Variants in CHD6 observed in about 807,000 individuals in gnomAD.
The protein encoded by CHD6 is ATP-dependent chromatin remodeler CHD6.
A neutral mutation model predicts 276.9 loss-of-function variants in CHD6; 50 were observed. The observed-to-expected ratio is 0.18, with a 90% CI of 0.14 to 0.23. The LOEUF is 0.23. Ranked by LOEUF, CHD6 falls within the 10% of genes least tolerant of loss-of-function variation. The pLI, the probability that CHD6 is intolerant of heterozygous loss-of-function variation, is 1.00. For synonymous variants in CHD6, 1,173 were observed against 1,229.3 expected (o/e 0.95, Z 0.96); for missense variants, 2,564 against 3,365.8 (o/e 0.76, Z 5.89).
chr20:41,522,404 C>T (rs966505589), intron 3 of CHD6, among the ~76,000 whole-genome samples: 5 of 152,086 alleles, frequency 3.3e-5, no homozygotes, highest in Admixed American at 6.6e-5. Context: ...AGAAAAGATG[C>T]GCATGGTGCA....
intron 3 of CHD6, among the ~76,000 whole-genome samples, chr20:41,526,934 T>G (rs1484615039): frequency 6.6e-6 from 1 of 152,154 alleles, no homozygotes; most frequent in Non-Finnish European, 1.5e-5. Context: ...TCCACTTTTC[T>G]AACAAGCTGT....
chr20:41,551,395 C>A (rs188393248), intron 1 of CHD6, 35 bp from the exon 2 acceptor site: 84 of 953,092 alleles, frequency 8.8e-5, no homozygotes, highest in Non-Finnish European at 1.1e-4. Context: ...AAGATTATGA[C>A]AAAACCCAAA....
In CHD6 at chr20:41,452,848, T is replaced by C; in HGVS notation, c.3215A>G (p.Asp1072Gly). Residue 1072 changes from aspartate (D) to glycine (G), a missense_variant, in exon 21 of 37, where the codon GAC (aspartate) becomes GGC (glycine). By Grantham distance (94) the Asp-to-Gly change is moderately conservative. This residue lies in a region of CHD6 where 515 missense variants were observed against 739.5 expected (regional missense o/e 0.70). Coordinates refer to ENST00000373233, the MANE Select transcript of CHD6 (RefSeq NM_032221.5). The surrounding 1 kb of genome is among the most constrained non-coding windows in gnomAD (Gnocchi z 4.2). ...EDELMEFSEL[D>G]SDSDERPTRS... is the part of the protein sequence containing the mutation. ...CGTGGGCCTTTCGTCTGAGTCGCTGTCTAACTCTGAAAACTCCATGAGCTC... is the reference window on the plus strand; with the variant it reads ...CGTGGGCCTTTCGTCTGAGTCGCTGCCTAACTCTGAAAACTCCATGAGCTC... 1 of 1,613,502 alleles carries C rather than the reference T, an allele frequency of 6.2e-7. No individual in the cohort carries two copies. Among genetic ancestry groups the C allele is most frequent in the Non-Finnish European group, 8.5e-7 (1 of 1,179,906 alleles).
Position 41,404,060 on chromosome 20 carries a change from CTTCT to C in CHD6, c.*529_*532del, listed in dbSNP as rs1207984664. ...TGTATTTTCAACCATTAGTTATATA[CTTCT>C]GTCTATACTACTCACTTAGTAATCA... On this transcript the variant is annotated 3_prime_UTR_variant, in exon 37 of 37. Coordinates refer to ENST00000373233, the MANE Select transcript of CHD6 (RefSeq NM_032221.5). 3 of 1,046,826 alleles carry C rather than the reference CTTCT, an allele frequency of 2.9e-6. No individual in the cohort carries two copies. Among genetic ancestry groups the C allele is most frequent in the Non-Finnish European group, 3.5e-6 (3 of 866,728 alleles). 64.8% of individuals were successfully genotyped at this position (1,046,826 alleles called of 1,614,324 possible).
chr20:41,556,378 T>C (rs912664770), intron 1 of CHD6, among the ~76,000 whole-genome samples: 10 of 150,208 alleles, frequency 6.7e-5, no homozygotes, highest in African/African-American at 2.2e-4. Context: ...TTTAACTGTT[T>C]CAAGCTTTCT....
Position 41,405,447 on chromosome 20 carries a change from G to T in CHD6, c.7294C>A (p.Pro2432Thr). 6.3e-7 allele frequency: 1 copy of T among 1,594,462 alleles called. No homozygotes were observed. The highest frequency in any genetic ancestry group is 8.6e-7 in the Non-Finnish European group (1 of 1,169,358). ...ENKFNHTLAE[P>T]ILRDTGPRRR... ...CGGGGGCCCGTATCTCGAAGAATAG[G>T]CTCAGCCAGAGTGTGATTGAACTTG... Residue 2432 changes from proline (P) to threonine (T), a missense_variant, in exon 37 of 37, where the codon CCT becomes ACT. Physicochemically the swap from Pro to Thr is conservative, Grantham distance 38. Transcript: ENST00000373233.
At chr20:41,454,538 G>A in intron 20 of CHD6, 88 bp downstream of exon 20, 1 of 1,001,094 alleles carries the variant, frequency 1.0e-6, no homozygotes. Context: ...AGACTCAAGA[G>A]TAAATAATGA....
chr20:41,592,778 C>T (rs1472846460), intron 1 of CHD6, among the ~76,000 whole-genome samples: 1 of 152,130 alleles, frequency 6.6e-6, no homozygotes, highest in Non-Finnish European at 1.5e-5. Flanking sequence ...CCGGGGATGC[C>T]ATGACTTCCC....
At chr20:41,484,990 T>C (rs2043378645) in intron 14 of CHD6, among the ~76,000 whole-genome samples, 1 of 152,192 alleles carries the variant, frequency 6.6e-6, no homozygotes, top group South Asian at 2.1e-4. Flanking sequence ...GTATGAGTGA[T>C]ATATTACAAG....
chr20:41,530,548 A>G (rs1474845047), intron 3 of CHD6, among the ~76,000 whole-genome samples: 23 of 152,236 alleles, frequency 1.5e-4, no homozygotes, highest in Non-Finnish European at 1.2e-4. Flanking sequence ...TAACATATGC[A>G]TATATACATA....
intron 16 of CHD6, among the ~76,000 whole-genome samples, chr20:41,481,273 T>C (rs911994867): frequency 6.6e-6 from 1 of 151,862 alleles, no homozygotes; most frequent in Non-Finnish European, 1.5e-5. Flanking sequence ...TTATAAAATT[T>C]AGGACATCAA....
chr20:41,601,168 CTCCTTCTATGT>C (rs2045769587), intron 1 of CHD6, among the ~76,000 whole-genome samples: 1 of 152,162 alleles, frequency 6.6e-6, no homozygotes, highest in Admixed American at 6.5e-5. Context: ...CCTCCTCACC[CTCCTTCTATGT>C]TCCTTTTACT....
At chr20:41,592,715 C>T (rs2045676754) in intron 1 of CHD6, among the ~76,000 whole-genome samples, 2 of 152,092 alleles carry the variant, frequency 1.3e-5, no homozygotes, top group African/African-American at 4.8e-5. Context: ...AGGGAAGGAA[C>T]AAAAAGGCAA....
chr20:41,513,067 T>C, intron 4 of CHD6, 72 bp from the exon 5 acceptor site: 3 of 1,525,938 alleles, frequency 2.0e-6, no homozygotes, highest in South Asian at 1.1e-5. Flanking sequence ...AATACCCTCA[T>C]CTACATTTAC....
chr20:41,545,241 A>G (rs765503743), intron 2 of CHD6, among the ~76,000 whole-genome samples: 1 of 152,176 alleles, frequency 6.6e-6, no homozygotes, highest in Non-Finnish European at 1.5e-5. Context: ...AGCTTCATCC[A>G]CAGCTCACAT....
chr20:41,521,605 G>A (rs958603858), intron 3 of CHD6, among the ~76,000 whole-genome samples: 9 of 152,052 alleles, frequency 5.9e-5, no homozygotes, highest in African/African-American at 1.7e-4. Context: ...ATATGTGCGC[G>A]TTTGTATGTA....
chr20:41,544,737 A>G (rs990267464), intron 2 of CHD6, among the ~76,000 whole-genome samples: 15 of 150,358 alleles, frequency 1.0e-4, no homozygotes, highest in Non-Finnish European at 2.1e-4. Context: ...TGATTACTAT[A>G]TAATCATATG....
intron 32 of CHD6, 123 bp downstream of exon 32, chr20:41,417,075 C>A (rs1319384818): frequency 2.2e-6 from 2 of 917,372 alleles, no homozygotes; most frequent in African/African-American, 3.3e-5. Context: ...TAACTAATAT[C>A]TTTTAAAGGT....
intron 1 of CHD6, among the ~76,000 whole-genome samples, chr20:41,588,361 C>A (rs2045618766): frequency 6.6e-6 from 1 of 152,174 alleles, no homozygotes; most frequent in Non-Finnish European, 1.5e-5. Flanking sequence ...TATGGTCTCA[C>A]AATGAGAAAC....
Sources: allele counts gnomAD v4.1 joint callset (sites outside exome capture counted in the v4.1 genomes callset), GRCh38; gene constraint gnomAD v4.1.1; regional missense constraint gnomAD v4.1.1; non-coding constraint Gnocchi (gnomAD v3.1); transcripts MANE v1.5; gene names NCBI Gene and HGNC (gene_info 2026-07-23, HGNC 2026-07-21).